COLQ: variants seen among roughly 807,000 people sequenced by gnomAD.
The protein encoded by COLQ is acetylcholinesterase collagenic tail peptide.
Under a neutral mutation model 69.0 loss-of-function variants are expected in COLQ, and 48 were observed. That is an observed-to-expected ratio of 0.70 (90% CI 0.55 to 0.88). The LOEUF (loss-of-function observed/expected upper bound fraction) is 0.88. COLQ is among the 40% of genes least tolerant of loss of function. COLQ has a pLI of 0.00. For synonymous variants in COLQ, 217 were observed against 211.2 expected, an observed-to-expected ratio of 1.03 and a Z score of -0.24; for missense variants, 618 against 594.6, an observed-to-expected ratio of 1.04 and a Z score of -0.41.
rs1338504881 is a variant in COLQ, at chr3:15,477,130, G to A, written c.461C>T (p.Pro154Leu). ...GPIGWPGPEG[P>L]RGEKGDLGMM... is the part of the protein sequence containing the mutation. The stretch of plus-strand genomic sequence containing the variant: ...CTGAGAGCATGCCACACTTACCCTG[G>A]GTCCTTCAGGGCCTGGCCAACCGAT... Residue 154 changes from proline to leucine, a missense_variant, in exon 6 of 17, where the codon CCC (proline) becomes CTC (leucine). Pro to Leu is a moderately conservative substitution (Grantham distance 98). Coordinates refer to ENST00000383788, the MANE Select transcript of COLQ (RefSeq NM_005677.4). 2.5e-6 allele frequency: 4 copies of A among 1,600,686 alleles called. No individual in the cohort carries two copies. The highest frequency in any genetic ancestry group is 1.7e-5 in the Admixed American group (1 of 58,174).
intron 1 of COLQ, among the ~76,000 whole-genome samples, chr3:15,521,171 C>T (rs886378381): frequency 6.6e-6 from 1 of 152,244 alleles, no homozygotes; most frequent in African/African-American, 2.4e-5. Context: ...ATAGAAACAT[C>T]TGAGACTCAC....
At chr3:15,504,167 G>A (rs938822202) in intron 1 of COLQ, among the ~76,000 whole-genome samples, 1 of 152,140 alleles carries the variant, frequency 6.6e-6, no homozygotes, top group Non-Finnish European at 1.5e-5. Flanking sequence ...CAATAAAAAA[G>A]ATTAATAAAC....
Position 15,457,120 on chromosome 3 carries a change from G to A in COLQ, c.955-541C>T, listed in dbSNP as rs564020301. ...ATTACAGGCATGAGCCACCGCGCCCGGCCTCGGATTTAACATTTTTAAATA... is the reference window on the plus strand; with the variant it reads ...ATTACAGGCATGAGCCACCGCGCCCAGCCTCGGATTTAACATTTTTAAATA... On this transcript the variant is annotated intron_variant, in intron 13 of 16. Coordinates refer to ENST00000383788, the MANE Select transcript of COLQ (RefSeq NM_005677.4). Among the ~76,000 whole-genome samples the A allele has an allele frequency of 1.2e-4, 18 of 152,160 alleles. No individual in the cohort carries two copies. In the East Asian group the frequency reaches 3.1e-3, roughly 26 times the overall value.
At chr3:15,519,747 C>T (rs1575501542) in intron 1 of COLQ, among the ~76,000 whole-genome samples, 1 of 152,180 alleles carries the variant, frequency 6.6e-6, no homozygotes, top group Non-Finnish European at 1.5e-5. Flanking sequence ...AGGGTGCTCT[C>T]CAAGGCAAAG....
At chr3:15,463,386 A>G (rs1254464173) in intron 12 of COLQ, among the ~76,000 whole-genome samples, 1 of 150,808 alleles carries the variant, frequency 6.6e-6, no homozygotes, top group Non-Finnish European at 1.5e-5. Flanking sequence ...TTGCTCTGTC[A>G]CCCAGGCTGG....
rs765874335 is a variant in COLQ, at chr3:15,455,964, T to C, written c.1130A>G (p.Asp377Gly). 1.2e-6 allele frequency: 2 copies of C among 1,613,548 alleles called. No individual in the cohort carries two copies. The highest frequency in any genetic ancestry group is 1.3e-5 in the African/African-American group (1 of 74,864). The change falls in exon 15 of 17, where the codon GAT becomes GGT. Residue 377 changes from aspartate (D) to glycine (G), a missense_variant. By Grantham distance (94) the Asp-to-Gly change is moderately conservative. Coordinates refer to ENST00000383788, the MANE Select transcript of COLQ (RefSeq NM_005677.4). ...YTADQHGTCG[D>G]GLLQPGEECD... ...CTCCTCCCCAGGCTGCAGGAGCCCA[T>C]CCCCACAGGTGCCGTGCTGGTCTGC...
rs760567044 is a variant in COLQ, at chr3:15,453,915, G to A, written c.1212C>T (p.Tyr404=). 1.9e-6 allele frequency: 3 copies of A among 1,609,186 alleles called. No individual in the cohort carries two copies. The highest frequency in any genetic ancestry group is 2.2e-5 in the South Asian group (2 of 89,966). Residue 404 remains tyrosine (Y), a synonymous_variant, in exon 16 of 17, where the codon TAC becomes TAT. Transcript: ENST00000383788. ...GDDCIRCHRA[Y]CGDGHRHEGV... Reference sequence around the variant, plus strand: ...CCTCATGCCGGTGACCATCTCCACAGTAGGCACGGTGACAGCCTGAGGGGA... The same window carrying A: ...CCTCATGCCGGTGACCATCTCCACAATAGGCACGGTGACAGCCTGAGGGGA...
chr3:15,507,001 A>G (rs1010872281), intron 1 of COLQ: 1 of 152,228 alleles, frequency 6.6e-6, no homozygotes, highest in African/African-American at 2.4e-5. Flanking sequence ...AGGTCTTGCT[A>G]CGTTGCCTAG....
chr3:15,456,643 G>C, intron 13 of COLQ, 64 bp from the exon 14 acceptor site: 2 of 1,603,168 alleles, frequency 1.2e-6, no homozygotes, highest in Non-Finnish European at 1.7e-6. Flanking sequence ...GAAAAAAGCT[G>C]GAGGAGGAAA....
chr3:15,466,308 A>C (rs2062198517), intron 12 of COLQ, 33 bp downstream of exon 12: 1 of 1,512,450 alleles, frequency 6.6e-7, no homozygotes, highest in Non-Finnish European at 9.2e-7. Context: ...CAGTACTCCA[A>C]CAGTGGATCA....
At chr3:15,457,043 G>A (rs1219103534) in intron 13 of COLQ, among the ~76,000 whole-genome samples, 6 of 152,020 alleles carry the variant, frequency 3.9e-5, no homozygotes, top group East Asian at 3.9e-4. Flanking sequence ...GGCTGGTTGC[G>A]AGCTCCTGAC....
At chr3:15,483,519 G>A (rs1033234886) in intron 3 of COLQ, among the ~76,000 whole-genome samples, 2 of 152,180 alleles carry the variant, frequency 1.3e-5, no homozygotes, top group Admixed American at 6.5e-5. Flanking sequence ...GTAGTTGAGT[G>A]GTTTTGAGTG....
At position 15,481,382 on chromosome 3, in the gene COLQ, A is replaced by T. The variant is rs541005314; in HGVS notation, c.322-2000T>A. ...ATCCATCTTGAATTAATAAGGTATTAATCTTGTATAAGGTGTAAGGAAGGG... is the reference window on the plus strand; with the variant it reads ...ATCCATCTTGAATTAATAAGGTATTTATCTTGTATAAGGTGTAAGGAAGGG... On this transcript the variant is annotated intron_variant, in intron 3 of 16. Coordinates refer to ENST00000383788, the MANE Select transcript of COLQ (RefSeq NM_005677.4). 1.5e-3 allele frequency among the ~76,000 whole-genome samples: 227 copies of T among 152,272 alleles called. 1 individual carries two copies. The highest frequency in any genetic ancestry group is 2.1e-3 in the Non-Finnish European group (140 of 68,000).
intron 1 of COLQ, among the ~76,000 whole-genome samples, chr3:15,501,790 G>C (rs2062834533): frequency 6.6e-6 from 1 of 152,178 alleles, no homozygotes; most frequent in Admixed American, 6.5e-5. Flanking sequence ...AGTTGTTTCA[G>C]CCAAAATCCC....
chr3:15,453,518 G>A (rs2061978850), intron 16 of COLQ, among the ~76,000 whole-genome samples: 1 of 152,200 alleles, frequency 6.6e-6, no homozygotes, highest in South Asian at 2.1e-4. Context: ...TAGTCATGGT[G>A]ACCACTGGGT....
chr3:15,463,051 A>G (rs992639355), intron 12 of COLQ, among the ~76,000 whole-genome samples: 2 of 152,132 alleles, frequency 1.3e-5, no homozygotes, highest in Non-Finnish European at 2.9e-5. Flanking sequence ...GGGCCTGCTA[A>G]GAGGACAGGA....
At chr3:15,470,442 A>C (rs185508304) in intron 11 of COLQ, 94 bp downstream of exon 11, 1 of 1,118,878 alleles carries the variant, frequency 8.9e-7, no homozygotes, top group Admixed American at 1.7e-5. Context: ...GGTCTACAGA[A>C]TATCTCTGAT....
chr3:15,504,696 T>TA (rs1313985308), intron 1 of COLQ, among the ~76,000 whole-genome samples: 3 of 151,906 alleles, frequency 2.0e-5, no homozygotes, highest in Admixed American at 6.6e-5. Context: ...CCTTCTCTAC[T>TA]AAAAAATACA....
chr3:15,466,285 C>T (rs2062197965), intron 12 of COLQ, 56 bp downstream of exon 12: 11 of 1,299,752 alleles, frequency 8.5e-6, no homozygotes, highest in Middle Eastern at 1.8e-4. Context: ...TGTGCCCTCT[C>T]TGGGAGGCTG....
Sources: allele counts gnomAD v4.1 joint callset (sites outside exome capture counted in the v4.1 genomes callset), GRCh38; gene constraint gnomAD v4.1.1; transcripts MANE v1.5; gene names NCBI Gene and HGNC (gene_info 2026-07-23, HGNC 2026-07-21).